Variants in C3orf49 observed in about 807,000 individuals in gnomAD.
The protein encoded by C3orf49 is putative uncharacterized protein C3orf49.
In C3orf49, 27 loss-of-function variants were observed where a neutral mutation model predicts 13.3. The observed-to-expected ratio is 2.02, with a 90% CI of 1.49 to 2.79. C3orf49 has a LOEUF of 2.79. Ranked by LOEUF, C3orf49 falls within the 30% of genes most tolerant of loss-of-function variation. The pLI is 0.00. For missense variants in C3orf49, 242 were observed against 134.2 expected, an observed-to-expected ratio of 1.80 and a Z score of -3.97; for synonymous variants, 87 against 47.6, an observed-to-expected ratio of 1.83 and a Z score of -3.40.
the C3orf49 span, among the ~76,000 whole-genome samples, chr3:63,801,333 G>A: frequency 1.3e-5 from 2 of 151,420 alleles, no homozygotes; most frequent in Admixed American, 1.3e-4. Context: ...AGATGAGAAA[G>A]AGAGAAAGTG....
Position 63,823,259 on chromosome 3 carries a change from A to G in C3orf49, c.135A>G (p.Arg45=), listed in dbSNP as rs1234187652. The G allele has an allele frequency of 5.7e-6, 4 of 701,938 alleles. No homozygotes were observed. The highest frequency in any genetic ancestry group is 4.6e-4 in the Middle Eastern group (2 of 4,388). 43.5% of individuals were successfully genotyped at this position (701,938 alleles called of 1,614,324 possible). A position where few individuals can be genotyped will look rare whatever the true frequency, so the allele number is the denominator to read the frequency against. ...TTTTTATTTTGTTTAGATGGCATAG[A>G]GCTGTGTCTACCAACTTACTAAAAC... ...FKRKGIERWH[R]AVSTNLLKQN... Residue 45 remains arginine (R), a synonymous_variant, in exon 2 of 7, where the codon AGA becomes AGG. Coordinates refer to ENST00000295896, the MANE Select transcript of C3orf49 (RefSeq NM_001355236.2).
At chr3:63,812,396 G>A in the C3orf49 span, among the ~76,000 whole-genome samples, 7 of 152,178 alleles carry the variant, frequency 4.6e-5, no homozygotes, top group Admixed American at 1.3e-4. Flanking sequence ...CGGGCCACAC[G>A]TTGGACAAAC....
At chr3:63,820,134 T>G (rs552460779) in intron 1 of C3orf49, among the ~76,000 whole-genome samples, 43 of 152,290 alleles carry the variant, frequency 2.8e-4, no homozygotes, top group African/African-American at 1.0e-3. Context: ...ATAATATATT[T>G]TAATTTGGAA....
the C3orf49 span, among the ~76,000 whole-genome samples, chr3:63,806,107 T>TC: frequency 1.3e-5 from 2 of 152,054 alleles, no homozygotes; most frequent in Admixed American, 1.3e-4. Context: ...GAGAGTGAAG[T>TC]CCCCTGGAAG....
intron 1 of C3orf49, among the ~76,000 whole-genome samples, chr3:63,821,425 G>T (rs148273460): frequency 6.6e-6 from 1 of 151,986 alleles, no homozygotes; most frequent in African/African-American, 2.4e-5. Flanking sequence ...TTAATACAAC[G>T]TAATAGCATA....
chr3:63,821,756 G>C (rs1048808607), intron 1 of C3orf49, among the ~76,000 whole-genome samples: 2 of 151,948 alleles, frequency 1.3e-5, no homozygotes, highest in Non-Finnish European at 2.9e-5. Context: ...CGAGAATTAC[G>C]CAAACAGAAG....
intron 5 of C3orf49, among the ~76,000 whole-genome samples, chr3:63,843,711 T>C (rs1003710990): frequency 1.3e-5 from 2 of 152,098 alleles, no homozygotes; most frequent in South Asian, 2.1e-4. Context: ...CCATCCTGGC[T>C]AACACAGTGA....
At chr3:63,839,744 C>T in intron 5 of C3orf49, 1 of 1,613,384 alleles carries the variant, frequency 6.2e-7, no homozygotes, top group South Asian at 1.1e-5. Context: ...CCATCTCCAT[C>T]AATGAGGAGA....
chr3:63,788,338 T>C, the C3orf49 span, among the ~76,000 whole-genome samples: 5 of 152,236 alleles, frequency 3.3e-5, no homozygotes, highest in Admixed American at 6.5e-5. Flanking sequence ...AGAGCCATTA[T>C]GTTATTCTGC....
chr3:63,782,424 G>T, the C3orf49 span: 1 of 152,082 alleles, frequency 6.6e-6, no homozygotes, highest in Admixed American at 6.5e-5. Context: ...TATGTTTTAT[G>T]ATCTTACCTG....
chr3:63,841,101 T>TA (rs1191888797), intron 5 of C3orf49, among the ~76,000 whole-genome samples: 8 of 152,206 alleles, frequency 5.3e-5, no homozygotes, highest in African/African-American at 1.9e-4. Flanking sequence ...ATAGTGCAGA[T>TA]ATACTGATAC....
intron 5 of C3orf49, chr3:63,838,580 G>T: frequency 1.5e-6 from 2 of 1,350,146 alleles, no homozygotes; most frequent in South Asian, 1.5e-5. Flanking sequence ...ACAAATATTT[G>T]CTAATTAAAT....
chr3:63,834,062 C>T (rs1701574255), intron 5 of C3orf49: 1 of 1,499,478 alleles, frequency 6.7e-7, no homozygotes, highest in Non-Finnish European at 9.2e-7. Flanking sequence ...CAAGAGCATA[C>T]CACATTTTAA....
intron 5 of C3orf49, among the ~76,000 whole-genome samples, chr3:63,842,094 T>C (rs890238940): frequency 5.9e-5 from 9 of 152,156 alleles, no homozygotes; most frequent in Non-Finnish European, 1.0e-4. Context: ...GATTAAAGTT[T>C]GATGCTGTGG....
chr3:63,845,473 T>C (rs1701871243), intron 6 of C3orf49, among the ~76,000 whole-genome samples: 1 of 152,124 alleles, frequency 6.6e-6, no homozygotes. Context: ...CAGAGGGAAA[T>C]GTGCGTTACA....
chr3:63,834,189 T>C, intron 5 of C3orf49: 1 of 1,613,722 alleles, frequency 6.2e-7, no homozygotes, highest in Non-Finnish European at 8.5e-7. Flanking sequence ...CCTCTGAGAG[T>C]TTTTCATCAT....
chr3:63,821,513 C>A (rs1337183417), intron 1 of C3orf49, among the ~76,000 whole-genome samples: 1 of 151,976 alleles, frequency 6.6e-6, no homozygotes, highest in Non-Finnish European at 1.5e-5. Flanking sequence ...TTTATAGCAG[C>A]TTTATTCATA....
At chr3:63,801,183 T>C in the C3orf49 span, among the ~76,000 whole-genome samples, 2 of 152,292 alleles carry the variant, frequency 1.3e-5, no homozygotes, top group African/African-American at 4.8e-5. Flanking sequence ...TATCTCAGTT[T>C]AATCAATGGG....
intron 2 of C3orf49, 50 bp from the exon 3 acceptor site, chr3:63,827,551 G>A (rs1343010366): frequency 6.0e-6 from 4 of 672,008 alleles, no homozygotes; most frequent in Non-Finnish European, 1.1e-5. Context: ...CAGGAAGAAT[G>A]TGTTCCTCAT....
Sources: gnomAD v4.1 joint callset for allele counts (sites outside exome capture counted in the v4.1 genomes callset) on GRCh38, gnomAD v4.1.1 for gene constraint, MANE v1.5 for transcripts, NCBI Gene and HGNC (gene_info 2026-07-23, HGNC 2026-07-21) for gene names.